SORCS2: variants seen among roughly 807,000 people sequenced by gnomAD.
The protein encoded by SORCS2 is VPS10 domain-containing receptor SorCS2.
A neutral mutation model predicts 141.6 loss-of-function variants in SORCS2; 100 were observed. That is an observed-to-expected ratio of 0.71 (90% CI 0.60 to 0.83). The LOEUF (loss-of-function observed/expected upper bound fraction) is 0.83, where lower values mean the gene tolerates loss of function less well. Among genes scored for constraint, SORCS2 ranks in the 40% least tolerant of loss-of-function variants. The pLI is 0.00. For synonymous variants in SORCS2, 789 were observed against 676.9 expected (o/e 1.17, Z -2.57); for missense variants, 1,646 against 1,560.2 (o/e 1.05, Z -0.93).
intron 2 of SORCS2, among the ~76,000 whole-genome samples, chr4:7,507,609 A>G (rs1732350867): frequency 6.6e-6 from 1 of 152,250 alleles, no homozygotes; most frequent in African/African-American, 2.4e-5. Context: ...GCACGAAAGT[A>G]GACGGTGAAT....
intron 1 of SORCS2, among the ~76,000 whole-genome samples, chr4:7,195,913 T>C (rs1317329370): frequency 6.6e-6 from 1 of 152,230 alleles, no homozygotes; most frequent in Non-Finnish European, 1.5e-5. Context: ...GTGGTCAACA[T>C]GAACAGAGAG....
At position 7,724,892 on chromosome 4, in the gene SORCS2, G is replaced by GCAGTGA. The variant is rs1560114979; in HGVS notation, c.2612-262_2612-261insCAGTGA. On this transcript the variant is annotated intron_variant, in intron 19 of 26. Coordinates refer to ENST00000507866, the MANE Select transcript of SORCS2 (RefSeq NM_020777.3). ...GGTAGTGGTGATGGTGGTGGTGTTG[G>GCAGTGA]TGATGGTGGTGATAGTATTGGTGGG... Among the ~76,000 whole-genome samples the GCAGTGA allele has an allele frequency of 1.1e-3, 59 of 55,404 alleles. 8 individuals carry two copies. The highest frequency in any genetic ancestry group is 3.2e-3 in the South Asian group (5 of 1,542). 36.3% of individuals were successfully genotyped at this position (55,404 alleles called of 152,430 possible).
At chr4:7,246,484 A>C (rs1477261351) in intron 1 of SORCS2, among the ~76,000 whole-genome samples, 1 of 145,762 alleles carries the variant, frequency 6.9e-6, no homozygotes, top group African/African-American at 2.6e-5. Flanking sequence ...CACACGTCTC[A>C]CCTGGGGCTT....
intron 12 of SORCS2, among the ~76,000 whole-genome samples, chr4:7,699,718 C>G (rs974777265): frequency 5.3e-5 from 8 of 152,194 alleles, no homozygotes; most frequent in African/African-American, 1.9e-4. Context: ...CCCCTCTCCT[C>G]CAGCCTCACA....
chr4:7,554,226 A>G (rs1472195380), intron 3 of SORCS2, among the ~76,000 whole-genome samples: 1 of 152,196 alleles, frequency 6.6e-6, no homozygotes, highest in Admixed American at 6.5e-5. Flanking sequence ...CCCACTTTCA[A>G]ATACTCCCCA....
In SORCS2 at chr4:7,713,623, G is replaced by C. The variant is rs187181350; in HGVS notation, c.1990-617G>C. 2.0e-3 allele frequency among the ~76,000 whole-genome samples: 300 copies of C among 152,248 alleles called. 2 individuals are homozygous for C. Among genetic ancestry groups the C allele is most frequent in the Admixed American group, 0.017 (262 of 15,298 alleles). On this transcript the variant is annotated intron_variant, in intron 15 of 26. Coordinates refer to ENST00000507866, the MANE Select transcript of SORCS2 (RefSeq NM_020777.3). ...GGCATCAGAGAATTTGACATCACCT[G>C]GGGGGCAGTGGGGGATGAGGAAGCC...
intron 1 of SORCS2, among the ~76,000 whole-genome samples, chr4:7,352,289 G>A (rs924815922): frequency 2.6e-5 from 4 of 152,348 alleles, no homozygotes; most frequent in East Asian, 3.9e-4. Flanking sequence ...GCGTATTGTA[G>A]GTTTCCAACA....
chr4:7,725,898 C>G (rs1462603978), intron 20 of SORCS2, among the ~76,000 whole-genome samples: 1 of 152,240 alleles, frequency 6.6e-6, no homozygotes, highest in South Asian at 2.1e-4. Flanking sequence ...AGGGGAGGGC[C>G]TGTGGGCTCT....
chr4:7,402,743 A>T (rs1724677510), intron 2 of SORCS2, among the ~76,000 whole-genome samples: 2 of 152,136 alleles, frequency 1.3e-5, no homozygotes, highest in South Asian at 4.1e-4. Flanking sequence ...CAGACTTTCC[A>T]TGTTTGCACT....
intron 2 of SORCS2, among the ~76,000 whole-genome samples, chr4:7,524,237 T>C (rs767653785): frequency 6.6e-6 from 1 of 152,164 alleles, no homozygotes; most frequent in African/African-American, 2.4e-5. Flanking sequence ...CTATATCCAA[T>C]GTGAAATCGA....
chr4:7,494,807 G>A (rs776048024), intron 2 of SORCS2, among the ~76,000 whole-genome samples: 1 of 152,220 alleles, frequency 6.6e-6, no homozygotes, highest in South Asian at 2.1e-4. Flanking sequence ...GGTGTCATCC[G>A]GTCCACAGCT....
At chr4:7,457,711 C>A (rs1445316730) in intron 2 of SORCS2, among the ~76,000 whole-genome samples, 5 of 151,268 alleles carry the variant, frequency 3.3e-5, no homozygotes, top group Non-Finnish European at 7.4e-5. Flanking sequence ...CAGGTGTGAG[C>A]TGTGGCCAGA....
At chr4:7,374,390 C>T (rs887848212) in intron 1 of SORCS2, among the ~76,000 whole-genome samples, 1 of 152,018 alleles carries the variant, frequency 6.6e-6, no homozygotes, top group Admixed American at 6.6e-5. Context: ...CGTACCAGCC[C>T]GGGTCTGAAA....
intron 1 of SORCS2, among the ~76,000 whole-genome samples, chr4:7,348,883 T>C (rs1306509956): frequency 6.6e-6 from 1 of 152,240 alleles, no homozygotes. Flanking sequence ...CTGTGTTTTC[T>C]ACTGTTTTGC....
At chr4:7,287,984 G>A (rs893061435) in intron 1 of SORCS2, among the ~76,000 whole-genome samples, 1 of 152,232 alleles carries the variant, frequency 6.6e-6, no homozygotes, top group South Asian at 2.1e-4. Flanking sequence ...GCCCCTGTGG[G>A]ATGGGAGAGC....
intron 1 of SORCS2, among the ~76,000 whole-genome samples, chr4:7,202,048 G>A (rs904528670): frequency 2.0e-5 from 3 of 151,428 alleles, no homozygotes; most frequent in African/African-American, 7.3e-5. Context: ...ACATGGGGCT[G>A]TCAGTCTAAG....
At chr4:7,473,278 C>T (rs952403961) in intron 2 of SORCS2, among the ~76,000 whole-genome samples, 1 of 152,030 alleles carries the variant, frequency 6.6e-6, no homozygotes. Context: ...TCTGCCCATG[C>T]GGGAGGGGCT....
intron 1 of SORCS2, among the ~76,000 whole-genome samples, chr4:7,390,620 C>T (rs192187862): frequency 1.4e-4 from 21 of 152,290 alleles, no homozygotes; most frequent in African/African-American, 4.6e-4. Context: ...CTGAATCAGG[C>T]CCCACTGCAC....
At chr4:7,539,704 C>CCCGTTA (rs1712424646) in intron 3 of SORCS2, among the ~76,000 whole-genome samples, 9 of 78,842 alleles carry the variant, frequency 1.1e-4, no homozygotes, top group Non-Finnish European at 1.8e-4. Flanking sequence ...GGCCCCGCCC[C>CCCGTTA]TTCCTGCTGT....
Sources: gnomAD v4.1 joint callset for allele counts (sites outside exome capture counted in the v4.1 genomes callset) on GRCh38, gnomAD v4.1.1 for gene constraint, MANE v1.5 for transcripts, NCBI Gene and HGNC (gene_info 2026-07-23, HGNC 2026-07-21) for gene names.